Variants in EIF2AK3 observed in about 807,000 individuals in gnomAD.
EIF2AK3 encodes the protein eukaryotic translation initiation factor 2 alpha kinase 3, also known as eukaryotic translation initiation factor 2-alpha kinase 3.
EIF2AK3 carries 50 observed loss-of-function variants against 113.5 expected under a neutral mutation model. The observed-to-expected ratio is 0.44, with a 90% CI of 0.35 to 0.56. EIF2AK3 has a LOEUF of 0.56. Ranked by LOEUF, EIF2AK3 falls within the 20% of genes least tolerant of loss-of-function variation. The probability of loss-of-function intolerance (pLI) is 0.00; values close to 1 mark genes in which losing one functional copy is unlikely to be tolerated. For missense variants in EIF2AK3, 1,185 were observed against 1,378.0 expected (o/e 0.86, Z 2.22); for synonymous variants, 448 against 495.4 (o/e 0.90, Z 1.27).
At chr2:88,571,086 G>A in intron 13 of EIF2AK3, 45 bp from the exon 14 acceptor site, 2 of 1,597,100 alleles carry the variant, frequency 1.3e-6, no homozygotes, top group Non-Finnish European at 8.6e-7. Flanking sequence ...TGTGCATGGA[G>A]GCGAAAAAGT....
At chr2:88,565,041 T>G (rs1293362919) in intron 14 of EIF2AK3, among the ~76,000 whole-genome samples, 2 of 151,310 alleles carry the variant, frequency 1.3e-5, no homozygotes, top group Non-Finnish European at 1.5e-5. Flanking sequence ...AAAAGGTGTT[T>G]TTTTTTTTTT....
At chr2:88,626,907 G>C (rs1307813761) in intron 1 of EIF2AK3, 60 bp downstream of exon 1, 2 of 1,590,602 alleles carry the variant, frequency 1.3e-6, no homozygotes, top group Admixed American at 1.7e-5. Context: ...CCCCTACACC[G>C]CATCCTCCGC....
At position 88,575,413 on chromosome 2, in the gene EIF2AK3, C is replaced by CAT; in HGVS notation, c.2068_2069dup (p.Met690IlefsTer24). The CAT allele has an allele frequency of 6.2e-7, 1 of 1,610,742 alleles. No individual in the cohort carries two copies. The highest frequency in any genetic ancestry group is 8.5e-7 in the Non-Finnish European group (1 of 1,179,988). ...TGCGTATTTTAACTGATGGTGCATC[C>CAT]ATTGGGCTAGGAGAGCTGAGTGGCC... On this transcript the variant is annotated frameshift_variant, in exon 13 of 17. Coordinates refer to ENST00000303236, the MANE Select transcript of EIF2AK3 (RefSeq NM_004836.7). LOFTEE classifies it high-confidence loss of function.
Position 88,588,082 on chromosome 2 carries a change from G to C in EIF2AK3, c.1329C>G (p.Val443=). Residue 443 remains valine (V), a synonymous_variant, in exon 8 of 17, where the codon GTC becomes GTG. Transcript: ENST00000303236. ...TGTCAAATTCATCAGATCCTACCAA[G>C]ACAGGAGTTCTGGAAGGAGAATCTA... is the stretch of plus-strand genomic sequence containing the variant. ...PLIHSPSRTP[V]LVGSDEFDKC... 2.0e-6 allele frequency: 3 copies of C among 1,510,078 alleles called. No homozygotes were observed. Among genetic ancestry groups the C allele is most frequent in the East Asian group, 2.3e-5 (1 of 43,758 alleles). The allele number at this position is 1,510,078 out of a possible 1,614,324, so 93.5% of individuals were successfully genotyped here.
At chr2:88,570,727 A>G in intron 14 of EIF2AK3, 147 bp downstream of exon 14, 1 of 1,001,690 alleles carries the variant, frequency 1.0e-6, no homozygotes, top group Non-Finnish European at 1.6e-6. Flanking sequence ...CTGTGTCACT[A>G]TTCCACTACT....
At chr2:88,621,126 G>A (rs1304934889) in intron 1 of EIF2AK3, among the ~76,000 whole-genome samples, 1 of 152,136 alleles carries the variant, frequency 6.6e-6, no homozygotes, top group African/African-American at 2.4e-5. Context: ...TTACTAAAAC[G>A]TGCAGCTTTT....
At chr2:88,611,292 G>A (rs1558662548) in intron 2 of EIF2AK3, among the ~76,000 whole-genome samples, 1 of 151,978 alleles carries the variant, frequency 6.6e-6, no homozygotes, top group Non-Finnish European at 1.5e-5. Context: ...TTACAAAATG[G>A]GACCAACTTA....
chr2:88,600,997 T>C (rs1479788009), intron 2 of EIF2AK3, among the ~76,000 whole-genome samples: 1 of 152,242 alleles, frequency 6.6e-6, no homozygotes, highest in Non-Finnish European at 1.5e-5. Flanking sequence ...GTATCTATCA[T>C]CCAGTTCCAA....
chr2:88,594,857 TACACTTAGGA>T (rs1421419138), intron 3 of EIF2AK3, among the ~76,000 whole-genome samples: 35 of 146,392 alleles, frequency 2.4e-4, no homozygotes, highest in Admixed American at 1.3e-3. Context: ...AAACGAAAGT[TACACTTAGGA>T]AGACTGTGAA....
chr2:88,591,020 C>T lies in EIF2AK3; in HGVS notation c.800G>A (p.Arg267Gln), dbSNP rs201704351. 23 of 1,613,954 alleles carry T rather than the reference C, an allele frequency of 1.4e-5. No homozygotes were observed. The highest frequency in any genetic ancestry group is 2.2e-5 in the South Asian group (2 of 91,076). Residue 267 changes from arginine (R) to glutamine (Q), a missense_variant, in exon 5 of 17, where the codon CGG (arginine) becomes CAG (glutamine). Physicochemically the swap from Arg to Gln is conservative, Grantham distance 43. Transcript: ENST00000303236. ...WNFSVGHFEL[R>Q]YIPDMETRAG... ...TCTCGTTTCCATGTCTGGAATATAC[C>T]GAAGTTCAAAGTGGCCAACACTGAA... is the stretch of plus-strand genomic sequence containing the variant.
chr2:88,609,513 A>G (rs968573690), intron 2 of EIF2AK3, among the ~76,000 whole-genome samples: 5 of 152,248 alleles, frequency 3.3e-5, no homozygotes, highest in African/African-American at 1.2e-4. Flanking sequence ...AATAAAAATG[A>G]CTGATTTCAT....
In EIF2AK3 at chr2:88,579,496, T is replaced by A. The variant is rs749090374; in HGVS notation, c.1886+22A>T. The A allele has an allele frequency of 5.0e-6, 8 of 1,613,194 alleles. 1 individual carries two copies. The South Asian group carries it at 8.8e-5, about 18-fold the overall frequency. ...GATCACACTGTGCTGATTTCAAGTT[T>A]ACTGAAGGTACCACCCATTACCTAT... On this transcript the variant is annotated intron_variant, in intron 11 of 16. Coordinates refer to ENST00000303236, the MANE Select transcript of EIF2AK3 (RefSeq NM_004836.7).
chr2:88,571,612 C>CT (rs1225591132), intron 13 of EIF2AK3, among the ~76,000 whole-genome samples: 1 of 152,182 alleles, frequency 6.6e-6, no homozygotes, highest in Admixed American at 6.5e-5. Flanking sequence ...CAGTCTGGCT[C>CT]TATGAGGAAA....
At position 88,557,881 on chromosome 2, in the gene EIF2AK3, A is replaced by G. The variant is rs1394933147; in HGVS notation, c.3206T>C (p.Ile1069Thr). The G allele has an allele frequency of 1.2e-6, 2 of 1,614,178 alleles. No individual in the cohort carries two copies. The change falls in exon 17 of 17, where the codon ATA becomes ACA. Residue 1069 changes from isoleucine (I) to threonine (T), a missense_variant. Transcript: ENST00000303236. The stretch of plus-strand genomic sequence containing the variant: ...AAATACAGCATTTTCAATGATGTTT[A>G]TAGCTTCAGGTCGTTCCATGGGGGA... ...SPSPMERPEA[I>T]NIIENAVFED...
intron 1 of EIF2AK3, among the ~76,000 whole-genome samples, chr2:88,616,733 G>C (rs1362196966): frequency 6.6e-6 from 1 of 152,100 alleles, no homozygotes; most frequent in African/African-American, 2.4e-5. Context: ...GGCCTAAATA[G>C]TTGTTTAAAG....
In EIF2AK3 at chr2:88,591,689, T is replaced by C. The variant is rs918793208; in HGVS notation, c.768-637A>G. Among the ~76,000 whole-genome samples the C allele has an allele frequency of 2.6e-5, 4 of 152,168 alleles. No individual in the cohort carries two copies. The East Asian group carries it at 7.7e-4, about 29-fold the overall frequency. ...CCTCTATAATTAGTAAATAGAAAAA[T>C]CACTCAACTACTGAGAGTATTGTGT... On this transcript the variant is annotated intron_variant, in intron 4 of 16. Coordinates refer to ENST00000303236, the MANE Select transcript of EIF2AK3 (RefSeq NM_004836.7).
At chr2:88,626,934 C>T (rs1291338912) in intron 1 of EIF2AK3, 33 bp downstream of exon 1, 1 of 1,604,822 alleles carries the variant, frequency 6.2e-7, no homozygotes, top group Non-Finnish European at 8.5e-7. Context: ...CGCGCGTAAA[C>T]AAGTTGCCTC....
intron 4 of EIF2AK3, among the ~76,000 whole-genome samples, chr2:88,592,810 A>G (rs1214805155): frequency 2.0e-5 from 3 of 152,014 alleles, no homozygotes; most frequent in African/African-American, 7.2e-5. Context: ...ACTAATAGTT[A>G]TCATATGAGA....
intron 3 of EIF2AK3, 138 bp from the exon 4 acceptor site, chr2:88,593,543 G>A (rs1674937111): frequency 1.0e-6 from 1 of 1,003,102 alleles, no homozygotes; most frequent in African/African-American, 1.6e-5. Flanking sequence ...GTCATAAGAA[G>A]CATCAGTTAG....
Sources: gnomAD v4.1 joint callset for allele counts (sites outside exome capture counted in the v4.1 genomes callset) on GRCh38, gnomAD v4.1.1 for gene constraint, MANE v1.5 for transcripts, NCBI Gene and HGNC (gene_info 2026-07-23, HGNC 2026-07-21) for gene names.